CNP: variants seen among roughly 807,000 people sequenced by gnomAD.
CNP encodes 2',3'-cyclic nucleotide 3' phosphodiesterase.
A neutral mutation model predicts 37.9 loss-of-function variants in CNP; 8 were observed. That is an observed-to-expected ratio of 0.21 (90% CI 0.12 to 0.38). The LOEUF (loss-of-function observed/expected upper bound fraction) is 0.38. Ranked by LOEUF, CNP falls within the 10% of genes least tolerant of loss-of-function variation. The pLI is 1.00. For synonymous variants in CNP, 237 were observed against 238.3 expected (o/e 0.99, Z 0.05); for missense variants, 457 against 551.0 (o/e 0.83, Z 1.71).
In CNP at chr17:41,973,723, G is replaced by A. The variant is rs369051487; in HGVS notation, c.1065G>A (p.Glu355=). The change falls in exon 4 of 4, where the codon GAG becomes GAA. Residue 355 remains glutamate (E), a synonymous_variant. Coordinates refer to ENST00000393892, the MANE Select transcript of CNP (RefSeq NM_033133.5). ...GLDLLEILRQ[E]KGGSRGEEVG... ...ACCTCTTAGAGATTCTGCGGCAGGAGAAGGGGGGCAGCCGAGGCGAGGAGG... is the reference window on the plus strand; with the variant it reads ...ACCTCTTAGAGATTCTGCGGCAGGAAAAGGGGGGCAGCCGAGGCGAGGAGG... The A allele has an allele frequency of 2.8e-4, 451 of 1,611,920 alleles. 5 individuals are homozygous for A. The highest frequency in any genetic ancestry group is 2.4e-3 in the South Asian group (214 of 90,924).
Position 41,973,547 on chromosome 17 carries a change from G to A in CNP, c.889G>A (p.Gly297Arg). The A allele has an allele frequency of 6.2e-7, 1 of 1,614,242 alleles. No individual in the cohort carries two copies. The highest frequency in any genetic ancestry group is 8.5e-7 in the Non-Finnish European group (1 of 1,180,048). Residue 297 changes from glycine to arginine, a missense_variant, in exon 4 of 4, where the codon GGG becomes AGG. Gly to Arg is a moderately radical substitution (Grantham distance 125). Transcript: ENST00000393892. ...SALFVTPKTT[G>R]ARVELSEQQL... Reference sequence around the variant, plus strand: ...CCTCTTTGTGACACCCAAGACGACTGGGGCCCGGGTGGAGTTAAGCGAGCA... The same window carrying A: ...CCTCTTTGTGACACCCAAGACGACTAGGGCCCGGGTGGAGTTAAGCGAGCA...
rs1567945660 is a variant in CNP at position 41,968,733 on chromosome 17, G to T, written c.669G>T (p.Leu223=). 6 of 1,608,652 alleles carry T rather than the reference G, an allele frequency of 3.7e-6. No individual in the cohort carries two copies. The South Asian group carries it at 5.5e-5, about 15-fold the overall frequency. Residue 223 remains leucine, a synonymous_variant, in exon 2 of 4, where the codon CTG becomes CTT. Transcript: ENST00000393892. The surrounding 1 kb of genome is among the most constrained non-coding windows in gnomAD (Gnocchi z 4.8). The part of the protein sequence containing the change: ...LGNHKAFKKE[L]RQFVPGDEPR... The stretch of plus-strand genomic sequence containing the variant: ...ACCACAAGGCCTTCAAGAAGGAGCT[G>T]CGACAATGTAGGTGGCAGGTTGGGG...
chr17:41,973,400 G>T, intron 3 of CNP, 75 bp from the exon 4 acceptor site: 1 of 1,416,338 alleles, frequency 7.1e-7, no homozygotes. Context: ...CCTCCAGGAG[G>T]GACCCTCCCT....
At position 41,976,751 on chromosome 17, in the gene CNP, G is replaced by C; in HGVS notation, c.*2827G>C. The stretch of plus-strand genomic sequence containing the variant: ...CCCTTCATTAGCCAAATTGAAAAAA[G>C]AAATTCCCTGGACCAGATGCTGAAA... On this transcript the variant is annotated 3_prime_UTR_variant, in exon 4 of 4. Coordinates refer to ENST00000393892, the MANE Select transcript of CNP (RefSeq NM_033133.5). 1 of 1,611,114 alleles carries C rather than the reference G, an allele frequency of 6.2e-7. No homozygotes were observed. The highest frequency in any genetic ancestry group is 8.5e-7 in the Non-Finnish European group (1 of 1,179,376).
chr17:41,976,710 G>A lies in CNP; in HGVS notation c.*2786G>A. The A allele has an allele frequency of 6.2e-7, 1 of 1,605,524 alleles. No homozygotes were observed. Among genetic ancestry groups the A allele is most frequent in the Non-Finnish European group, 8.5e-7 (1 of 1,178,136 alleles). On this transcript the variant is annotated 3_prime_UTR_variant, in exon 4 of 4. Transcript: ENST00000393892. ...TAAACTGAGTGAATCTGCATTTTCT[G>A]GGTTCTGGGTGGTTGCCCTTCATTA... is the stretch of plus-strand genomic sequence containing the variant.
Position 41,976,779 on chromosome 17 carries a change from G to A in CNP, c.*2855G>A, listed in dbSNP as rs782112991. ...ATTCCCTGGACCAGATGCTGAAAGA[G>A]AAAAGAGGGGTTGGTAGTTGGCTAT... On this transcript the variant is annotated 3_prime_UTR_variant, in exon 4 of 4. Coordinates refer to ENST00000393892, the MANE Select transcript of CNP (RefSeq NM_033133.5). 1.9e-6 allele frequency: 3 copies of A among 1,609,708 alleles called. No individual in the cohort carries two copies. The highest frequency in any genetic ancestry group is 1.7e-5 in the Admixed American group (1 of 57,834).
chr17:41,971,866 T>C, intron 2 of CNP, 26 bp from the exon 3 acceptor site: 1 of 1,613,484 alleles, frequency 6.2e-7, no homozygotes, highest in Non-Finnish European at 8.5e-7. Flanking sequence ...TCCCCTGCCC[T>C]GACTGCACCC....
chr17:41,966,802 G>A lies in CNP; in HGVS notation c.-83G>A. 7.4e-7 allele frequency: 1 copy of A among 1,356,860 alleles called. No homozygotes were observed. The highest frequency in any genetic ancestry group is 1.5e-5 in the African/African-American group (1 of 65,722). The allele number at this position is 1,356,860 out of a possible 1,614,324, so 84.1% of individuals were successfully genotyped here. Reference sequence around the variant, plus strand: ...CCGGGCTCGGGTCGTGCCACCGCTGGACTCCCGTGTCCCTCCGCGCAGGCG... The same window carrying A: ...CCGGGCTCGGGTCGTGCCACCGCTGAACTCCCGTGTCCCTCCGCGCAGGCG... On this transcript the variant is annotated 5_prime_UTR_variant, in exon 1 of 4. Coordinates refer to ENST00000393892, the MANE Select transcript of CNP (RefSeq NM_033133.5).
Position 41,973,585 on chromosome 17 carries a change from G to A in CNP, c.927G>A (p.Leu309=). Residue 309 remains leucine (L), a synonymous_variant, in exon 4 of 4, where the codon TTG becomes TTA. Transcript: ENST00000393892. The part of the protein sequence containing the change: ...RVELSEQQLQ[L]WPSDVDKLSP... ...AGTTAAGCGAGCAGCAACTGCAGTT[G>A]TGGCCGAGTGATGTGGACAAGCTGT... is the stretch of plus-strand genomic sequence containing the variant. The A allele has an allele frequency of 6.2e-7, 1 of 1,614,260 alleles. No individual in the cohort carries two copies.
At position 41,975,196 on chromosome 17, in the gene CNP, C is replaced by G. The variant is rs1371139393; in HGVS notation, c.*1272C>G. 6.6e-6 allele frequency: 1 copy of G among 152,548 alleles called. No individual in the cohort carries two copies. The highest frequency in any genetic ancestry group is 1.5e-5 in the Non-Finnish European group (1 of 68,058). The allele number at this position is 152,548 out of a possible 1,614,324, so 9.4% of individuals were successfully genotyped here. Reference sequence around the variant, plus strand: ...CCTAGCTGTGTGCAGTCTCTCTTACCCTTCTGTGCCCAGCTCAGTCTTCCC... The same window carrying G: ...CCTAGCTGTGTGCAGTCTCTCTTACGCTTCTGTGCCCAGCTCAGTCTTCCC... On this transcript the variant is annotated 3_prime_UTR_variant, in exon 4 of 4. Transcript: ENST00000393892.
At chr17:41,967,590 G>C (rs1269875612) in intron 1 of CNP, 3 of 921,914 alleles carry the variant, frequency 3.3e-6, no homozygotes, top group Non-Finnish European at 3.9e-6. Context: ...CATTGTACCC[G>C]CATGCCAGAC....
In CNP at chr17:41,977,368, A is replaced by C. The variant is rs2051116176; in HGVS notation, c.*3444A>C. ...ACATGGAAGGGAAGAAAAGGTGAAAAATTAGAAATGTTCGAAGAGAACTGA... is the reference window on the plus strand; with the variant it reads ...ACATGGAAGGGAAGAAAAGGTGAAACATTAGAAATGTTCGAAGAGAACTGA... On this transcript the variant is annotated 3_prime_UTR_variant, in exon 4 of 4. Coordinates refer to ENST00000393892, the MANE Select transcript of CNP (RefSeq NM_033133.5). 1 of 1,518,722 alleles carries C rather than the reference A, an allele frequency of 6.6e-7. No individual in the cohort carries two copies. Among genetic ancestry groups the C allele is most frequent in the Non-Finnish European group, 9.0e-7 (1 of 1,115,964 alleles). The allele number at this position is 1,518,722 out of a possible 1,614,324, so 94.1% of individuals were successfully genotyped here. A position where few individuals can be genotyped will look rare whatever the true frequency, so the allele number is the denominator to read the frequency against.
Position 41,974,004 on chromosome 17 carries a change from A to T in CNP, c.*80A>T, listed in dbSNP as rs78984318. The T allele has an allele frequency of 4.5e-4, 378 of 838,454 alleles. No homozygotes were observed. The highest frequency in any genetic ancestry group is 1.4e-3 in the East Asian group (42 of 29,210). 51.9% of individuals were successfully genotyped at this position (838,454 alleles called of 1,614,324 possible). A position where few individuals can be genotyped will look rare whatever the true frequency, so the allele number is the denominator to read the frequency against. On this transcript the variant is annotated 3_prime_UTR_variant, in exon 4 of 4. Transcript: ENST00000393892. The stretch of plus-strand genomic sequence containing the variant: ...CTCTGTTTGATCCTTGTTTTGTGAC[A>T]TTTTTTTTTTTTTTTTTTTTACTCA...
Position 41,974,103 on chromosome 17 carries a change from T to A in CNP, c.*179T>A, listed in dbSNP as rs1279812592. 2.3e-5 allele frequency: 12 copies of A among 516,344 alleles called. No individual in the cohort carries two copies. The highest frequency in any genetic ancestry group is 3.8e-5 in the Non-Finnish European group (12 of 318,522). The allele number at this position is 516,344 out of a possible 1,614,324, so 32.0% of individuals were successfully genotyped here. Reference sequence around the variant, plus strand: ...TCCCTTCCTGTCCGCCCTCTTCCCCTCTAATGCTCACGCTCCCAACACAAG... The same window carrying A: ...TCCCTTCCTGTCCGCCCTCTTCCCCACTAATGCTCACGCTCCCAACACAAG... On this transcript the variant is annotated 3_prime_UTR_variant, in exon 4 of 4. Coordinates refer to ENST00000393892, the MANE Select transcript of CNP (RefSeq NM_033133.5).
intron 2 of CNP, among the ~76,000 whole-genome samples, chr17:41,970,008 C>T (rs1367457172): frequency 6.6e-6 from 1 of 152,218 alleles, no homozygotes; most frequent in Non-Finnish European, 1.5e-5. Context: ...CTGCAGTGAA[C>T]TGTGGTGCTT....
rs1555644947 is a variant in CNP at position 41,976,915 on chromosome 17, T to C, written c.*2991T>C. On this transcript the variant is annotated 3_prime_UTR_variant, in exon 4 of 4. Coordinates refer to ENST00000393892, the MANE Select transcript of CNP (RefSeq NM_033133.5). ...TGGGTATCAAACAGCTCAGGCTGTT[T>C]TTGGGTGCAAGAGGGAGCACGTGAC... The C allele has an allele frequency of 1.9e-6, 2 of 1,042,912 alleles. No homozygotes were observed. Among genetic ancestry groups the C allele is most frequent in the Admixed American group, 5.7e-5 (2 of 35,324 alleles). 64.6% of individuals were successfully genotyped at this position (1,042,912 alleles called of 1,614,324 possible). A position where few individuals can be genotyped will look rare whatever the true frequency, so the allele number is the denominator to read the frequency against.
rs782048723 is a variant in CNP at position 41,976,440 on chromosome 17, A to G, written c.*2516A>G. ...CAGATGCCAGAGCAAAGGGCCAGGA[A>G]GGGTCAAAACATTTTATTCTCTTTT... is the stretch of plus-strand genomic sequence containing the variant. On this transcript the variant is annotated 3_prime_UTR_variant, in exon 4 of 4. Transcript: ENST00000393892. The G allele has an allele frequency of 1.1e-5, 4 of 358,398 alleles. No homozygotes were observed. Among genetic ancestry groups the G allele is most frequent in the Non-Finnish European group, 2.0e-5 (4 of 199,998 alleles). The allele number at this position is 358,398 out of a possible 1,614,324, so 22.2% of individuals were successfully genotyped here.
At chr17:41,967,203 G>A (rs1218442306) in intron 1 of CNP, 4 of 289,024 alleles carry the variant, frequency 1.4e-5, no homozygotes, top group Non-Finnish European at 1.9e-5. Context: ...GCAGGCCCGC[G>A]CTGGGGCAGC....
At chr17:41,969,618 C>T (rs1555643506) in intron 2 of CNP, among the ~76,000 whole-genome samples, 2 of 151,526 alleles carry the variant, frequency 1.3e-5, no homozygotes, top group African/African-American at 4.9e-5. Flanking sequence ...TGCAGTGGCG[C>T]TATCTCAGCT....
Sources: gnomAD v4.1 joint callset for allele counts (sites outside exome capture counted in the v4.1 genomes callset) on GRCh38, gnomAD v4.1.1 for gene constraint, Gnocchi (gnomAD v3.1) non-coding constraint, MANE v1.5 for transcripts, NCBI Gene and HGNC (gene_info 2026-07-23, HGNC 2026-07-21) for gene names.